The following NEK7 variants were observed in gnomAD, a reference collection of about 807,000 sequenced individuals.
The protein encoded by NEK7 is NIMA related kinase 7, also known as serine/threonine-protein kinase Nek7.
NEK7 carries 18 observed loss-of-function variants against 44.6 expected under a neutral mutation model. The ratio of observed to expected loss-of-function variants is 0.40; its 90% confidence interval spans 0.28 to 0.60. The LOEUF (loss-of-function observed/expected upper bound fraction) is 0.60, where lower values mean the gene tolerates loss of function less well. Among genes scored for constraint, NEK7 ranks in the 20% least tolerant of loss-of-function variants. NEK7 has a pLI of 0.38. For missense variants in NEK7, 256 were observed against 366.5 expected, an observed-to-expected ratio of 0.70 and a Z score of 2.46; for synonymous variants, 130 against 121.1, an observed-to-expected ratio of 1.07 and a Z score of -0.48.
At chr1:198,299,556 GAC>G (rs1558101220) in intron 9 of NEK7, among the ~76,000 whole-genome samples, 1 of 152,140 alleles carries the variant, frequency 6.6e-6, no homozygotes, top group East Asian at 1.9e-4. Context: ...TTAATTAAAA[GAC>G]AGTTTATTTT....
At chr1:198,206,890 G>A (rs548639972) in intron 1 of NEK7, 2 of 152,178 alleles carry the variant, frequency 1.3e-5, no homozygotes, top group South Asian at 4.1e-4. Context: ...ATAAACAACT[G>A]TCCTCATAGT....
intron 9 of NEK7, among the ~76,000 whole-genome samples, chr1:198,311,425 TTA>T (rs1655178249): frequency 6.6e-6 from 1 of 151,844 alleles, no homozygotes; most frequent in Admixed American, 6.6e-5. Context: ...TGAATACCCT[TTA>T]TTTCCTTCTC....
chr1:198,214,668 A>G (rs767260459), intron 1 of NEK7, among the ~76,000 whole-genome samples: 3 of 152,218 alleles, frequency 2.0e-5, no homozygotes, highest in Non-Finnish European at 2.9e-5. Flanking sequence ...AAAGTCTCCA[A>G]GAAGTATGGG....
chr1:198,263,376 T>C (rs376681136), intron 4 of NEK7, among the ~76,000 whole-genome samples: 5 of 151,910 alleles, frequency 3.3e-5, no homozygotes, highest in African/African-American at 1.2e-4. Context: ...GGCTTAAATA[T>C]ATGTAAACTT....
chr1:198,299,011 T>A (rs1654796440), intron 9 of NEK7, among the ~76,000 whole-genome samples: 1 of 152,254 alleles, frequency 6.6e-6, no homozygotes, highest in Admixed American at 6.5e-5. Context: ...TAGAAGGTCT[T>A]AGAGTTGGGA....
chr1:198,185,420 C>A (rs1664892892), intron 1 of NEK7, among the ~76,000 whole-genome samples: 2 of 151,860 alleles, frequency 1.3e-5, no homozygotes, highest in African/African-American at 4.8e-5. Flanking sequence ...ACTTTATATT[C>A]CTCTAGCAGG....
At chr1:198,242,665 T>C (rs1666720603) in intron 2 of NEK7, among the ~76,000 whole-genome samples, 1 of 151,790 alleles carries the variant, frequency 6.6e-6, no homozygotes, top group Non-Finnish European at 1.5e-5. Flanking sequence ...GGTTTCACTG[T>C]GTTAGCCAGG....
chr1:198,177,578 T>C (rs1286650004), intron 1 of NEK7, among the ~76,000 whole-genome samples: 3 of 152,102 alleles, frequency 2.0e-5, no homozygotes, highest in African/African-American at 7.2e-5. Flanking sequence ...ATTGAAATGC[T>C]TTTTTTAAAT....
Position 198,321,432 on chromosome 1 carries a change from A to G in NEK7, c.*1910A>G, listed in dbSNP as rs1238751410. 1 of 152,118 alleles carries G rather than the reference A, an allele frequency of 6.6e-6. No individual in the cohort carries two copies. Among genetic ancestry groups the G allele is most frequent in the Non-Finnish European group, 1.5e-5 (1 of 67,978 alleles). The allele number at this position is 152,118 out of a possible 1,614,324, so 9.4% of individuals were successfully genotyped here. The stretch of plus-strand genomic sequence containing the variant: ...GACCATTAATGTCATGTTCATTTTA[A>G]TGTAATATAATTGAGATGAAATGTT... On this transcript the variant is annotated 3_prime_UTR_variant, in exon 10 of 10. Coordinates refer to ENST00000367385, the MANE Select transcript of NEK7 (RefSeq NM_133494.3).
chr1:198,214,272 G>T (rs1162394670), intron 1 of NEK7, among the ~76,000 whole-genome samples: 1 of 152,050 alleles, frequency 6.6e-6, no homozygotes, highest in Non-Finnish European at 1.5e-5. Flanking sequence ...GAAAAAATAG[G>T]GTTCTATAAC....
rs1367611053 is a variant in NEK7, at chr1:198,321,039, C to T, written c.*1517C>T. On this transcript the variant is annotated 3_prime_UTR_variant, in exon 10 of 10. Coordinates refer to ENST00000367385, the MANE Select transcript of NEK7 (RefSeq NM_133494.3). ...TAAAGGACTCTGTGCCATCTTACAA[C>T]CTTGGATGAATTATCCTGCCAACGT... is the stretch of plus-strand genomic sequence containing the variant. The T allele has an allele frequency of 6.6e-6, 1 of 152,206 alleles. No homozygotes were observed. The highest frequency in any genetic ancestry group is 1.5e-5 in the Non-Finnish European group (1 of 68,020). 9.4% of individuals were successfully genotyped at this position (152,206 alleles called of 1,614,324 possible). A position where few individuals can be genotyped will look rare whatever the true frequency, so the allele number is the denominator to read the frequency against.
chr1:198,199,704 C>A (rs1309226044), intron 1 of NEK7, among the ~76,000 whole-genome samples: 4 of 151,706 alleles, frequency 2.6e-5, no homozygotes, highest in Non-Finnish European at 5.9e-5. Context: ...ATTTCTAATT[C>A]TTTTGGTCTT....
At chr1:198,213,915 T>A (rs1665848118) in intron 1 of NEK7, among the ~76,000 whole-genome samples, 1 of 152,094 alleles carries the variant, frequency 6.6e-6, no homozygotes. Context: ...TATAAAATAT[T>A]GGAGAAAAAA....
chr1:198,240,758 C>T (rs903872564), intron 2 of NEK7, among the ~76,000 whole-genome samples: 2 of 152,154 alleles, frequency 1.3e-5, no homozygotes, highest in Non-Finnish European at 2.9e-5. Context: ...TGCAGTGGCA[C>T]GATCTCGGCT....
rs1654001047 is a variant in NEK7 at position 198,275,806 on chromosome 1, GC to G, written c.373-2154del. Among the ~76,000 whole-genome samples the G allele has an allele frequency of 2.7e-5, 4 of 150,710 alleles. No individual in the cohort carries two copies. In the South Asian group the frequency reaches 8.4e-4, roughly 32 times the overall value. ...ACAGTGCCACCATCAGAACAGACAG[GC>G]TTTTCTCATTTTAAGTGTTGGTTTT... On this transcript the variant is annotated intron_variant, in intron 5 of 9. Transcript: ENST00000367385.
At chr1:198,200,163 T>C (rs1665382309) in intron 1 of NEK7, among the ~76,000 whole-genome samples, 1 of 152,224 alleles carries the variant, frequency 6.6e-6, no homozygotes, top group Non-Finnish European at 1.5e-5. Flanking sequence ...TTGTGGACAG[T>C]GCATTTTTTT....
At chr1:198,297,545 C>T (rs912455888) in intron 9 of NEK7, among the ~76,000 whole-genome samples, 8 of 152,176 alleles carry the variant, frequency 5.3e-5, no homozygotes, top group African/African-American at 1.9e-4. Context: ...AATGCTCATA[C>T]TTAGGCTCTA....
At chr1:198,163,540 A>C (rs923976611) in intron 1 of NEK7, among the ~76,000 whole-genome samples, 1 of 152,310 alleles carries the variant, frequency 6.6e-6, no homozygotes, top group Non-Finnish European at 1.5e-5. Flanking sequence ...AAATTAAAAA[A>C]AGAGACACCT....
In NEK7 at chr1:198,320,086, C is replaced by G. The variant is rs1355494369; in HGVS notation, c.*564C>G. 6.6e-6 allele frequency: 1 copy of G among 152,114 alleles called. No individual in the cohort carries two copies. Among genetic ancestry groups the G allele is most frequent in the African/African-American group, 2.4e-5 (1 of 41,416 alleles). The allele number at this position is 152,114 out of a possible 1,614,324, so 9.4% of individuals were successfully genotyped here. On this transcript the variant is annotated 3_prime_UTR_variant, in exon 10 of 10. Transcript: ENST00000367385. Reference sequence around the variant, plus strand: ...TTTGAGAAACATTTAGAACTCTTAGCTTATACATTCAAAATGTAACTATTA... The same window carrying G: ...TTTGAGAAACATTTAGAACTCTTAGGTTATACATTCAAAATGTAACTATTA...
Sources: allele counts gnomAD v4.1 joint callset (sites outside exome capture counted in the v4.1 genomes callset), GRCh38; gene constraint gnomAD v4.1.1; transcripts MANE v1.5; gene names NCBI Gene and HGNC (gene_info 2026-07-23, HGNC 2026-07-21).